PPP2R3A: variants seen among roughly 807,000 people sequenced by gnomAD.
PPP2R3A encodes the protein serine/threonine-protein phosphatase 2A regulatory subunit B'' subunit alpha.
Under a neutral mutation model 106.9 loss-of-function variants are expected in PPP2R3A, and 80 were observed. That is an observed-to-expected ratio of 0.75 (90% CI 0.62 to 0.90). The LOEUF is 0.90. PPP2R3A is among the 40% of genes least tolerant of loss of function. The pLI is 0.00. For missense variants in PPP2R3A, 1,386 were observed against 1,350.4 expected (o/e 1.03, Z -0.41); for synonymous variants, 483 against 468.3 (o/e 1.03, Z -0.41).
chr3:136,028,081 C>T (rs1381764637), intron 3 of PPP2R3A, among the ~76,000 whole-genome samples: 13 of 152,188 alleles, frequency 8.5e-5, no homozygotes, highest in Admixed American at 3.9e-4. Flanking sequence ...CCTGTATAAG[C>T]GTGACCCTCT....
At chr3:136,070,098 G>A (rs1321667923) in intron 5 of PPP2R3A, among the ~76,000 whole-genome samples, 1 of 151,958 alleles carries the variant, frequency 6.6e-6, no homozygotes, top group Non-Finnish European at 1.5e-5. Flanking sequence ...TCATTGGCTT[G>A]CATCTACTGT....
intron 5 of PPP2R3A, among the ~76,000 whole-genome samples, chr3:136,065,030 A>T (rs1936217355): frequency 6.6e-6 from 1 of 152,188 alleles, no homozygotes; most frequent in Non-Finnish European, 1.5e-5. Flanking sequence ...GAGAAGAGAG[A>T]ATAAGGATGG....
chr3:136,127,114 A>G (rs970802278), intron 13 of PPP2R3A, among the ~76,000 whole-genome samples: 5 of 152,216 alleles, frequency 3.3e-5, no homozygotes, highest in Admixed American at 2.6e-4. Flanking sequence ...TTCTCCTCCA[A>G]AGGATCACAG....
At chr3:136,123,240 T>C (rs1025863315) in intron 13 of PPP2R3A, among the ~76,000 whole-genome samples, 1 of 152,098 alleles carries the variant, frequency 6.6e-6, no homozygotes, top group Non-Finnish European at 1.5e-5. Context: ...TATAAAACCA[T>C]AGTAATAATT....
chr3:136,022,752 A>G, intron 2 of PPP2R3A: 2 of 1,116,842 alleles, frequency 1.8e-6, no homozygotes, highest in Non-Finnish European at 2.2e-6. Flanking sequence ...AGAAGGCTCC[A>G]TATTCTCAAC....
At chr3:136,082,535 T>G in intron 8 of PPP2R3A, 114 bp downstream of exon 8, 1 of 1,160,242 alleles carries the variant, frequency 8.6e-7, no homozygotes, top group Non-Finnish European at 1.2e-6. Flanking sequence ...CAAGTCCTCT[T>G]TACAGGCCAA....
At position 136,055,807 on chromosome 3, in the gene PPP2R3A, T is replaced by C. The variant is rs569828310; in HGVS notation, c.2469+6446T>C. On this transcript the variant is annotated intron_variant, in intron 5 of 13. Transcript: ENST00000264977. ...TGCACATACTGATATAAATAAATGATTGGGGAGAAGAAACAAATCTATGCA... is the reference window on the plus strand; with the variant it reads ...TGCACATACTGATATAAATAAATGACTGGGGAGAAGAAACAAATCTATGCA... 428 of 546,982 alleles carry C rather than the reference T, an allele frequency of 7.8e-4. 3 individuals are homozygous for C. Among genetic ancestry groups the C allele is most frequent in the Non-Finnish European group, 1.1e-3 (330 of 305,144 alleles). The allele number at this position is 546,982 out of a possible 1,614,324, so 33.9% of individuals were successfully genotyped here.
intron 4 of PPP2R3A, among the ~76,000 whole-genome samples, chr3:136,045,552 A>C (rs1478906912): frequency 2.0e-5 from 3 of 152,216 alleles, no homozygotes; most frequent in African/African-American, 7.2e-5. Context: ...GTCTTGTGAC[A>C]AACTAGCTGG....
At chr3:136,035,947 G>A (rs545746394) in intron 3 of PPP2R3A, among the ~76,000 whole-genome samples, 1 of 151,910 alleles carries the variant, frequency 6.6e-6, no homozygotes, top group African/African-American at 2.4e-5. Context: ...GTCTTTGTTG[G>A]ATTGGGTTAA....
At chr3:136,103,468 CG>C in intron 12 of PPP2R3A, 92 bp downstream of exon 12, 1 of 860,488 alleles carries the variant, frequency 1.2e-6, no homozygotes, top group South Asian at 2.0e-5. Flanking sequence ...GCTGGAATTT[CG>C]GTAAAGAGGT....
rs149359403 is a variant in PPP2R3A, at chr3:136,060,599, C to T, written c.2470-9879C>T. 3.0e-3 allele frequency among the ~76,000 whole-genome samples: 458 copies of T among 152,214 alleles called. 4 individuals are homozygous for T. Among genetic ancestry groups the T allele is most frequent in the Non-Finnish European group, 4.9e-3 (331 of 68,018 alleles). ...TGTGAAGATATGCTTGCTTCCCCTTCGCCTTTCGCCATGATTGTAAGTTTC... is the reference window on the plus strand; with the variant it reads ...TGTGAAGATATGCTTGCTTCCCCTTTGCCTTTCGCCATGATTGTAAGTTTC... On this transcript the variant is annotated intron_variant, in intron 5 of 13. Transcript: ENST00000264977.
chr3:136,001,740 C>A lies in PPP2R3A; in HGVS notation c.242C>A (p.Ser81Ter). 1 of 1,614,120 alleles carries A rather than the reference C, an allele frequency of 6.2e-7. No homozygotes were observed. Among genetic ancestry groups the A allele is most frequent in the South Asian group, 1.1e-5 (1 of 91,078 alleles). ...CTACCCCATGAAAATGGGCTTTCTT[C>A]GGCTGAAGGAGACTATCCCCAACAG... ...MFLPHENGLSSAEGDYPQQAF... is the reference protein window; with the variant it reads ...MFLPHENGLS Residue 81 changes from serine to a stop codon, truncating the protein, a stop_gained, in exon 2 of 14, where the codon TCG becomes TAG. Coordinates refer to ENST00000264977, the MANE Select transcript of PPP2R3A (RefSeq NM_002718.5). LOFTEE classifies it high-confidence loss of function.
chr3:136,096,376 C>T (rs1441305554), intron 10 of PPP2R3A, among the ~76,000 whole-genome samples: 2 of 152,168 alleles, frequency 1.3e-5, no homozygotes, highest in African/African-American at 2.4e-5. Context: ...ATTAATCCTG[C>T]GTGAAATGCT....
intron 5 of PPP2R3A, among the ~76,000 whole-genome samples, chr3:136,058,753 A>C (rs916224545): frequency 3.3e-5 from 5 of 152,222 alleles, no homozygotes; most frequent in African/African-American, 9.6e-5. Flanking sequence ...CCATCTTCGA[A>C]CAATGCTACA....
intron 13 of PPP2R3A, among the ~76,000 whole-genome samples, chr3:136,141,511 A>G (rs1016636833): frequency 3.9e-5 from 6 of 152,240 alleles, no homozygotes; most frequent in African/African-American, 1.4e-4. Flanking sequence ...ATTCTGCCAG[A>G]TTAGTGGAAG....
chr3:136,130,828 C>CAG (rs1938384405), intron 13 of PPP2R3A, among the ~76,000 whole-genome samples: 2 of 151,606 alleles, frequency 1.3e-5, no homozygotes, highest in African/African-American at 2.4e-5. Context: ...ACCAATGAAA[C>CAG]AACAGAGTCC....
At chr3:136,130,462 G>A (rs1035612207) in intron 13 of PPP2R3A, among the ~76,000 whole-genome samples, 9 of 152,072 alleles carry the variant, frequency 5.9e-5, no homozygotes, top group Non-Finnish European at 1.3e-4. Flanking sequence ...GGGATGTGAA[G>A]GACCTCTTCA....
chr3:136,078,276 T>C, intron 6 of PPP2R3A, 91 bp from the exon 7 acceptor site: 2 of 841,964 alleles, frequency 2.4e-6, no homozygotes, highest in Non-Finnish European at 3.9e-6. Flanking sequence ...AAAAGTTAAA[T>C]TGGTCCCAAG....
intron 1 of PPP2R3A, among the ~76,000 whole-genome samples, chr3:135,994,017 GTTC>G (rs1933283096): frequency 6.6e-6 from 1 of 152,156 alleles, no homozygotes; most frequent in South Asian, 2.1e-4. Flanking sequence ...TGGTTACATG[GTTC>G]TTGTCAAATC....
Sources: gnomAD v4.1 joint callset for allele counts (sites outside exome capture counted in the v4.1 genomes callset) on GRCh38, gnomAD v4.1.1 for gene constraint, MANE v1.5 for transcripts, NCBI Gene and HGNC (gene_info 2026-07-23, HGNC 2026-07-21) for gene names.